The following DGKB variants were observed in gnomAD, a reference collection of about 807,000 sequenced individuals.
DGKB encodes 90 kDa diacylglycerol kinase.
DGKB carries 67 observed loss-of-function variants against 114.3 expected under a neutral mutation model. The ratio of observed to expected loss-of-function variants is 0.59; its 90% confidence interval spans 0.48 to 0.72. The LOEUF (loss-of-function observed/expected upper bound fraction) is 0.72, where lower values mean the gene tolerates loss of function less well. Ranked by LOEUF, DGKB falls within the 30% of genes least tolerant of loss-of-function variation. The pLI, the probability that DGKB is intolerant of heterozygous loss-of-function variation, is 0.00. For missense variants in DGKB, 907 were observed against 975.2 expected, an observed-to-expected ratio of 0.93 and a Z score of 0.93; for synonymous variants, 398 against 323.1, an observed-to-expected ratio of 1.23 and a Z score of -2.49.
At chr7:14,598,613 C>G (rs1473757279) in intron 17 of DGKB, among the ~76,000 whole-genome samples, 1 of 152,224 alleles carries the variant, frequency 6.6e-6, no homozygotes, top group African/African-American at 2.4e-5. Flanking sequence ...CTTTAAGAAA[C>G]AGAAATTCAG....
rs1239665347 is a variant in DGKB, at chr7:14,145,889, A to G, written c.*3242T>C. The G allele has an allele frequency of 1.3e-5, 2 of 152,214 alleles. No homozygotes were observed. The highest frequency in any genetic ancestry group is 2.1e-4 in the South Asian group (1 of 4,834). 9.4% of individuals were successfully genotyped at this position (152,214 alleles called of 1,614,324 possible). A position where few individuals can be genotyped will look rare whatever the true frequency, so the allele number is the denominator to read the frequency against. On this transcript the variant is annotated 3_prime_UTR_variant, in exon 26 of 26. Coordinates refer to ENST00000402815, the MANE Select transcript of DGKB (RefSeq NM_001350709.2). ...GAGAATACAGTGTGAGATTCAAAACATATTCTTCCCTGAAAAATTGCAACT... is the reference window on the plus strand; with the variant it reads ...GAGAATACAGTGTGAGATTCAAAACGTATTCTTCCCTGAAAAATTGCAACT...
chr7:14,818,826 T>G (rs1338986209), intron 2 of DGKB, among the ~76,000 whole-genome samples: 1 of 152,098 alleles, frequency 6.6e-6, no homozygotes, highest in African/African-American at 2.4e-5. Context: ...TTCTACATAT[T>G]AGGGGTGGTA....
chr7:14,430,735 C>T (rs1474990862), intron 21 of DGKB, among the ~76,000 whole-genome samples: 1 of 152,160 alleles, frequency 6.6e-6, no homozygotes, highest in African/African-American at 2.4e-5. Context: ...CAGATATCCA[C>T]ATTTTATATA....
intron 2 of DGKB, among the ~76,000 whole-genome samples, chr7:14,793,751 C>G (rs1485147000): frequency 1.3e-5 from 2 of 151,808 alleles, no homozygotes; most frequent in African/African-American, 2.4e-5. Context: ...TGTATGTCAA[C>G]TTGGCTGGCC....
chr7:14,368,573 CTGTGTG>C (rs3069084), intron 21 of DGKB, among the ~76,000 whole-genome samples: 217 of 148,722 alleles, frequency 1.5e-3, no homozygotes, highest in Non-Finnish European at 2.6e-3. Context: ...GGTATTTTCT[CTGTGTG>C]TGTGTGTGTG....
At chr7:14,707,067 T>C (rs1826395948) in intron 6 of DGKB, among the ~76,000 whole-genome samples, 1 of 149,770 alleles carries the variant, frequency 6.7e-6, no homozygotes, top group Non-Finnish European at 1.5e-5. Flanking sequence ...GACAGACCGC[T>C]AGCAAGACTA....
rs1491501536 is a variant in DGKB, at chr7:14,151,466, TTA to T, written c.2305-2230_2305-2229del. ...TGACTATTCTTATATTAAAAACTTT[TTA>T]AAAAAAAAAATTACATGATTTTATG... On this transcript the variant is annotated intron_variant, in intron 25 of 25. Coordinates refer to ENST00000402815, the MANE Select transcript of DGKB (RefSeq NM_001350709.2). Among the ~76,000 whole-genome samples, 871 of 149,204 alleles carry T rather than the reference TTA, an allele frequency of 5.8e-3. 14 individuals are homozygous for T. Among genetic ancestry groups the T allele is most frequent in the African/African-American group, 0.02 (803 of 40,214 alleles).
intron 1 of DGKB, among the ~76,000 whole-genome samples, chr7:14,854,996 C>T (rs1188255804): frequency 6.6e-6 from 1 of 151,940 alleles, no homozygotes; most frequent in Non-Finnish European, 1.5e-5. Context: ...CAAGAGACAC[C>T]CTTCAAATGA....
intron 21 of DGKB, among the ~76,000 whole-genome samples, chr7:14,356,411 G>C (rs1212199301): frequency 2.1e-5 from 3 of 142,162 alleles, no homozygotes; most frequent in Non-Finnish European, 1.5e-5. Flanking sequence ...GCCCAGGCTG[G>C]AGTGCAGTGG....
At chr7:14,567,890 A>G (rs1797830821) in intron 20 of DGKB, among the ~76,000 whole-genome samples, 1 of 152,088 alleles carries the variant, frequency 6.6e-6, no homozygotes, top group Non-Finnish European at 1.5e-5. Context: ...TAAAGGCGTG[A>G]GCCACAGCAC....
chr7:14,968,408 C>T (rs1787286718), intron 1 of DGKB, among the ~76,000 whole-genome samples: 1 of 152,002 alleles, frequency 6.6e-6, no homozygotes, highest in Non-Finnish European at 1.5e-5. Context: ...ATTTGTGGCT[C>T]CTTTAAATAT....
intron 13 of DGKB, among the ~76,000 whole-genome samples, chr7:14,659,182 G>C (rs1000353292): frequency 6.6e-6 from 1 of 152,010 alleles, no homozygotes; most frequent in African/African-American, 2.4e-5. Flanking sequence ...TAACAAGAGA[G>C]TGTATTCCAG....
At chr7:14,583,188 GT>G (rs1800213056) in intron 17 of DGKB, 51 bp from the exon 18 acceptor site, 1 of 1,145,464 alleles carries the variant, frequency 8.7e-7, no homozygotes, top group African/African-American at 1.6e-5. Flanking sequence ...AAAATAAGAT[GT>G]TTTCAGTTTT....
intron 20 of DGKB, among the ~76,000 whole-genome samples, chr7:14,532,539 GCA>G (rs1167863263): frequency 1.3e-5 from 2 of 151,280 alleles, no homozygotes; most frequent in Admixed American, 6.6e-5. Flanking sequence ...TGTTAGAGAT[GCA>G]CAGTTATGTT....
intron 18 of DGKB, among the ~76,000 whole-genome samples, chr7:14,581,341 C>T (rs548460368): frequency 6.6e-6 from 1 of 152,192 alleles, no homozygotes; most frequent in African/African-American, 2.4e-5. Context: ...ACATAAAGTC[C>T]TTTTGCAACA....
chr7:14,659,949 T>C (rs1008209888), intron 13 of DGKB, among the ~76,000 whole-genome samples: 2 of 151,800 alleles, frequency 1.3e-5, no homozygotes, highest in African/African-American at 2.4e-5. Context: ...TGAAGGGTTG[T>C]TGAATTTTGT....
intron 23 of DGKB, among the ~76,000 whole-genome samples, chr7:14,299,063 C>T (rs1037955141): frequency 2.0e-5 from 3 of 151,920 alleles, no homozygotes; most frequent in Admixed American, 2.0e-4. Flanking sequence ...AAGAGGATGT[C>T]GAGAAATAGG....
At chr7:14,729,330 G>C (rs957061480) in intron 5 of DGKB, among the ~76,000 whole-genome samples, 1 of 151,678 alleles carries the variant, frequency 6.6e-6, no homozygotes, top group African/African-American at 2.4e-5. Context: ...CACCGTGTTA[G>C]CCAGGATGGT....
At chr7:14,616,725 T>C (rs62445611) in intron 15 of DGKB, among the ~76,000 whole-genome samples, 2,461 of 151,852 alleles carry the variant, frequency 0.016, 30 homozygotes, top group South Asian at 0.023. Context: ...CTGCTCTCAA[T>C]CTCCCATGAC....
Sources: gnomAD v4.1 joint callset for allele counts (sites outside exome capture counted in the v4.1 genomes callset) on GRCh38, gnomAD v4.1.1 for gene constraint, MANE v1.5 for transcripts, NCBI Gene and HGNC (gene_info 2026-07-23, HGNC 2026-07-21) for gene names.